Variants in ASH1L observed in about 807,000 individuals in gnomAD.
ASH1L encodes the protein histone-lysine N-methyltransferase ASH1L.
Under a neutral mutation model 269.0 loss-of-function variants are expected in ASH1L, and 23 were observed. That is an observed-to-expected ratio of 0.09 (90% confidence interval 0.06 to 0.12). ASH1L has a LOEUF of 0.12. ASH1L is among the 10% of genes least tolerant of loss of function. The probability of loss-of-function intolerance (pLI) is 1.00; values close to 1 mark genes in which losing one functional copy is unlikely to be tolerated. For synonymous variants in ASH1L, 1,187 were observed against 1,253.5 expected, an observed-to-expected ratio of 0.95 and a Z score of 1.12; for missense variants, 2,912 against 3,567.8, an observed-to-expected ratio of 0.82 and a Z score of 4.68.
intron 5 of ASH1L, chr1:155,433,317 G>A (rs1170623426): frequency 3.2e-6 from 5 of 1,583,154 alleles, no homozygotes; most frequent in East Asian, 2.3e-5. Context: ...GGAGGGCCAG[G>A]AATCGGGCCG....
At chr1:155,389,912 A>AT (rs924805914) in intron 7 of ASH1L, among the ~76,000 whole-genome samples, 47 of 49,160 alleles carry the variant, frequency 9.6e-4, no homozygotes, top group Non-Finnish European at 1.4e-3. Flanking sequence ...ATCTCTTTGG[A>AT]TTTTTTTTTT....
chr1:155,465,999 A>C (rs562455425), intron 3 of ASH1L, among the ~76,000 whole-genome samples: 2 of 152,344 alleles, frequency 1.3e-5, no homozygotes, highest in South Asian at 2.1e-4. Flanking sequence ...TATCTGATGC[A>C]CCAACTAAAT....
At chr1:155,420,318 C>G (rs1257767885) in intron 5 of ASH1L, among the ~76,000 whole-genome samples, 1 of 52,346 alleles carries the variant, frequency 1.9e-5, no homozygotes, top group Non-Finnish European at 3.6e-5. Flanking sequence ...GACTCCATCT[C>G]AAAAAAAAAC....
chr1:155,556,073 T>G (rs1454889169), intron 1 of ASH1L, among the ~76,000 whole-genome samples: 2 of 152,188 alleles, frequency 1.3e-5, no homozygotes, highest in African/African-American at 4.8e-5. Context: ...TATATATGTT[T>G]GCAATTTGCC....
At chr1:155,531,527 CAT>C (rs1308652604) in intron 1 of ASH1L, among the ~76,000 whole-genome samples, 2 of 151,882 alleles carry the variant, frequency 1.3e-5, no homozygotes, top group Admixed American at 1.3e-4. Flanking sequence ...CTGACAGAAA[CAT>C]GATTCTCATT....
At chr1:155,506,359 G>A (rs1475138405) in intron 2 of ASH1L, among the ~76,000 whole-genome samples, 5 of 152,114 alleles carry the variant, frequency 3.3e-5, no homozygotes, top group Admixed American at 1.3e-4. Flanking sequence ...AATCTCTACC[G>A]AGCAAGAACT....
intron 3 of ASH1L, among the ~76,000 whole-genome samples, chr1:155,474,750 A>G (rs999929872): frequency 1.9e-4 from 29 of 152,080 alleles, no homozygotes; most frequent in African/African-American, 1.2e-4. Context: ...TGCTCCTCCT[A>G]TAGTCTTCTC....
chr1:155,498,732 T>C (rs1041013146), intron 2 of ASH1L, among the ~76,000 whole-genome samples: 1 of 152,122 alleles, frequency 6.6e-6, no homozygotes, highest in South Asian at 2.1e-4. Flanking sequence ...TAAGCCACTG[T>C]GCCTGACCAG....
At chr1:155,385,989 C>T (rs1046314807) in intron 7 of ASH1L, among the ~76,000 whole-genome samples, 3 of 151,968 alleles carry the variant, frequency 2.0e-5, no homozygotes, top group Non-Finnish European at 4.4e-5. Flanking sequence ...TCCTCTGACA[C>T]CATGGCAGTG....
Position 155,428,284 on chromosome 1 carries a change from CA to C in ASH1L, c.5828+10042del, listed in dbSNP as rs1212584185. On this transcript the variant is annotated intron_variant, in intron 5 of 27. Transcript: ENST00000392403. Reference sequence around the variant, plus strand: ...TGAAACCCCGTCTCTACTAAAAGTACAAAAAAATTAGCCGGGTGTGGTGGTG... The same window carrying C: ...TGAAACCCCGTCTCTACTAAAAGTACAAAAAATTAGCCGGGTGTGGTGGTG... 2.0e-5 allele frequency among the ~76,000 whole-genome samples: 3 copies of C among 151,892 alleles called. No homozygotes were observed. In the East Asian group the frequency reaches 5.8e-4, roughly 29 times the overall value.
chr1:155,346,120 G>A (rs1023104909), intron 21 of ASH1L: 10 of 1,335,586 alleles, frequency 7.5e-6, no homozygotes, highest in African/African-American at 3.0e-5. Flanking sequence ...AGGCATGAGC[G>A]ACCGTGCCCG....
chr1:155,522,979 CCG>C (rs1356663618), intron 1 of ASH1L, among the ~76,000 whole-genome samples: 1 of 152,074 alleles, frequency 6.6e-6, no homozygotes, highest in Non-Finnish European at 1.5e-5. Context: ...GTGTGAGCCA[CCG>C]TGCCCAGCCA....
At chr1:155,349,180 T>G (rs535064470) in intron 19 of ASH1L, 147 bp downstream of exon 19, 1 of 759,278 alleles carries the variant, frequency 1.3e-6, no homozygotes, top group African/African-American at 1.8e-5. Flanking sequence ...TTTAGTATAC[T>G]GTAACACATA....
At chr1:155,487,981 G>T (rs547058845) in intron 2 of ASH1L, among the ~76,000 whole-genome samples, 1 of 151,164 alleles carries the variant, frequency 6.6e-6, no homozygotes, top group African/African-American at 2.4e-5. Context: ...TCCGCCTCCC[G>T]GGTCCAAGCA....
intron 7 of ASH1L, among the ~76,000 whole-genome samples, chr1:155,389,405 G>A (rs1010946578): frequency 6.6e-6 from 1 of 152,022 alleles, no homozygotes; most frequent in Non-Finnish European, 1.5e-5. Flanking sequence ...AGGCGCGGTG[G>A]CTCATGCCTG....
chr1:155,507,796 C>G (rs1020370518), intron 2 of ASH1L, among the ~76,000 whole-genome samples: 3 of 152,162 alleles, frequency 2.0e-5, no homozygotes, highest in Non-Finnish European at 4.4e-5. Context: ...ATCACCTAAG[C>G]CCATGGGAGC....
intron 6 of ASH1L, 55 bp downstream of exon 6, chr1:155,415,689 A>AT: frequency 6.5e-7 from 1 of 1,544,628 alleles, no homozygotes; most frequent in Non-Finnish European, 8.8e-7. Context: ...TAGTCAAAGT[A>AT]TTTTTCCAAA....
At chr1:155,439,951 T>G (rs751123090) in intron 4 of ASH1L, among the ~76,000 whole-genome samples, 19 of 151,840 alleles carry the variant, frequency 1.3e-4, no homozygotes, top group Non-Finnish European at 2.2e-4. Flanking sequence ...GTCTAAATTT[T>G]TAAGACTTTT....
chr1:155,546,480 G>T (rs1327209606), intron 1 of ASH1L, among the ~76,000 whole-genome samples: 3 of 152,220 alleles, frequency 2.0e-5, no homozygotes, highest in Non-Finnish European at 4.4e-5. Context: ...AGCACTCTGG[G>T]TTGGGCGCGG....
Sources: gnomAD v4.1 joint callset for allele counts (sites outside exome capture counted in the v4.1 genomes callset) on GRCh38, gnomAD v4.1.1 for gene constraint, MANE v1.5 for transcripts, NCBI Gene and HGNC (gene_info 2026-07-23, HGNC 2026-07-21) for gene names.